Variants in PARD3B observed in about 807,000 individuals in gnomAD.
PARD3B encodes par-3 family cell polarity regulator beta, also known as partitioning defective 3 homolog B.
PARD3B carries 103 observed loss-of-function variants against 130.2 expected under a neutral mutation model. That is an observed-to-expected ratio of 0.79 (90% CI 0.67 to 0.93). The LOEUF is 0.93. Among genes scored for constraint, PARD3B ranks in the 40% least tolerant of loss-of-function variants. The probability of loss-of-function intolerance (pLI) is 0.00; values close to 1 mark genes in which losing one functional copy is unlikely to be tolerated. For missense variants in PARD3B, 1,609 were observed against 1,499.2 expected (o/e 1.07, Z -1.21); for synonymous variants, 583 against 553.2 (o/e 1.05, Z -0.76).
chr2:205,398,354 C>T (rs1176127155), intron 18 of PARD3B, among the ~76,000 whole-genome samples: 5 of 151,854 alleles, frequency 3.3e-5, no homozygotes, highest in Admixed American at 1.3e-4. Context: ...TTCTCTTTTC[C>T]GTACTTCTGT....
At chr2:204,977,899 A>T (rs943543884) in intron 3 of PARD3B, among the ~76,000 whole-genome samples, 6 of 151,406 alleles carry the variant, frequency 4.0e-5, no homozygotes, top group Non-Finnish European at 7.4e-5. Flanking sequence ...TACATATCTG[A>T]TGAGGGCTCC....
rs1167630785 is a variant in PARD3B, at chr2:205,078,195, C to G, written c.505-26231C>G. On this transcript the variant is annotated intron_variant, in intron 4 of 22. Transcript: ENST00000406610. This position sits in a 1 kb window ranked among gnomAD's most constrained non-coding sequence, Gnocchi z 4.0. ...TGTGTGGTTAAATGTTTAACCTGAG[C>G]TAATTAGGAGCCTTGAGAATTTTAG... is the stretch of plus-strand genomic sequence containing the variant. 6.6e-6 allele frequency among the ~76,000 whole-genome samples: 1 copy of G among 152,100 alleles called. No homozygotes were observed. The highest frequency in any genetic ancestry group is 2.4e-5 in the African/African-American group (1 of 41,430).
Position 205,553,547 on chromosome 2 carries a change from A to G in PARD3B, c.3260+144A>G, listed in dbSNP as rs1575342439. The G allele has an allele frequency of 1.0e-5, 7 of 684,120 alleles. No individual in the cohort carries two copies. The East Asian group carries it at 1.4e-4, about 13-fold the overall frequency. 42.4% of individuals were successfully genotyped at this position (684,120 alleles called of 1,614,324 possible). On this transcript the variant is annotated intron_variant, in intron 22 of 22. Transcript: ENST00000406610. Reference sequence around the variant, plus strand: ...TGCCGTCTGCTGTAGCCCTAGTTCCATCTTCACAAATGTGCTAATAATTGA... The same window carrying G: ...TGCCGTCTGCTGTAGCCCTAGTTCCGTCTTCACAAATGTGCTAATAATTGA...
intron 2 of PARD3B, among the ~76,000 whole-genome samples, chr2:204,853,020 A>G (rs555700523): frequency 6.6e-6 from 1 of 152,138 alleles, no homozygotes; most frequent in Admixed American, 6.6e-5. Context: ...AGTTCATTGG[A>G]TTGTTTAATT....
intron 20 of PARD3B, among the ~76,000 whole-genome samples, chr2:205,457,010 G>T (rs1027611173): frequency 2.6e-5 from 4 of 151,434 alleles, no homozygotes; most frequent in Non-Finnish European, 5.9e-5. Flanking sequence ...CATTGAATGT[G>T]TAAGGAAAGT....
intron 11 of PARD3B, among the ~76,000 whole-genome samples, chr2:205,170,987 T>C (rs1230051714): frequency 6.6e-6 from 1 of 152,198 alleles, no homozygotes; most frequent in East Asian, 1.9e-4. Flanking sequence ...TTTGACTCAC[T>C]TTCGTGGCCT....
At chr2:205,549,026 T>C (rs2052501359) in intron 21 of PARD3B, among the ~76,000 whole-genome samples, 1 of 152,164 alleles carries the variant, frequency 6.6e-6, no homozygotes, top group Non-Finnish European at 1.5e-5. Flanking sequence ...AAAGATGTTC[T>C]ACATCACATG....
intron 1 of PARD3B, among the ~76,000 whole-genome samples, chr2:204,684,100 CTT>C (rs1369093435): frequency 2.6e-5 from 4 of 152,108 alleles, no homozygotes; most frequent in Non-Finnish European, 5.9e-5. Context: ...AATTAGGACT[CTT>C]TGGTTTTCTT....
intron 21 of PARD3B, among the ~76,000 whole-genome samples, chr2:205,543,591 G>A (rs2052260611): frequency 6.6e-6 from 1 of 152,206 alleles, no homozygotes; most frequent in Non-Finnish European, 1.5e-5. Flanking sequence ...GAGAAATGTT[G>A]CTTTGGGGTC....
At chr2:204,731,288 C>G (rs2039496054) in intron 2 of PARD3B, among the ~76,000 whole-genome samples, 1 of 152,182 alleles carries the variant, frequency 6.6e-6, no homozygotes, top group Non-Finnish European at 1.5e-5. Context: ...GCTTTATCAT[C>G]ACTTACTCAA....
chr2:204,977,715 G>A (rs1281673262), intron 3 of PARD3B, among the ~76,000 whole-genome samples: 3 of 151,718 alleles, frequency 2.0e-5, no homozygotes, highest in Non-Finnish European at 2.9e-5. Context: ...GGGAGGCTGA[G>A]GCAGGAGAAT....
chr2:204,954,076 A>C (rs576373557), intron 2 of PARD3B, among the ~76,000 whole-genome samples: 5 of 152,244 alleles, frequency 3.3e-5, no homozygotes, highest in African/African-American at 9.6e-5. Flanking sequence ...ACCCACAATC[A>C]TAATTACAAA....
At chr2:204,659,119 T>C (rs891562665) in intron 1 of PARD3B, among the ~76,000 whole-genome samples, 14 of 152,160 alleles carry the variant, frequency 9.2e-5, no homozygotes, top group African/African-American at 3.4e-4. Flanking sequence ...TTTGCATTCT[T>C]AGATGTGTTA....
intron 21 of PARD3B, among the ~76,000 whole-genome samples, chr2:205,540,064 CTG>C (rs1166336600): frequency 3.3e-5 from 5 of 152,188 alleles, no homozygotes; most frequent in Non-Finnish European, 1.5e-5. Context: ...ACCACGGACT[CTG>C]TGTCCTCCAC....
Position 205,227,926 on chromosome 2 carries a change from A to C in PARD3B, c.2141-17852A>C, listed in dbSNP as rs1490506762. ...TAACCCACTATTTTAAACTGATGAC[A>C]ACACTGACTGCATAAAGAAACAAAC... On this transcript the variant is annotated intron_variant, in intron 15 of 22. Transcript: ENST00000406610. Among the ~76,000 whole-genome samples the C allele has an allele frequency of 2.0e-5, 3 of 152,282 alleles. No individual in the cohort carries two copies. In the East Asian group the frequency reaches 5.8e-4, roughly 29 times the overall value.
rs1691359465 is a variant in PARD3B at position 204,967,574 on chromosome 2, G to A, written c.394+2251G>A. ...TCCTCTGAATCAGCAGGAGAAATTT[G>A]GGCAAGGATGAATGACGTAAAAAAA... On this transcript the variant is annotated intron_variant, in intron 3 of 22. Transcript: ENST00000406610. This position sits in a 1 kb window ranked among gnomAD's most constrained non-coding sequence, Gnocchi z 4.4. Among the ~76,000 whole-genome samples the A allele has an allele frequency of 1.3e-5, 2 of 152,126 alleles. No homozygotes were observed. The highest frequency in any genetic ancestry group is 2.9e-5 in the Non-Finnish European group (2 of 68,028).
chr2:205,524,309 A>T lies in PARD3B; in HGVS notation c.3180+24278A>T, dbSNP rs558352447. Among the ~76,000 whole-genome samples, 4 of 152,284 alleles carry T rather than the reference A, an allele frequency of 2.6e-5. No homozygotes were observed. The South Asian group carries it at 8.3e-4, about 32-fold the overall frequency. On this transcript the variant is annotated intron_variant, in intron 21 of 22. Transcript: ENST00000406610. ...GTCTCCTTGATTCTCATCACCTTAC[A>T]TCTGAAGATTTGTAGAAGAGTCCCC...
rs917619611 is a variant in PARD3B at position 204,606,625 on chromosome 2, A to G, written c.120+60506A>G. Among the ~76,000 whole-genome samples the G allele has an allele frequency of 3.9e-5, 6 of 152,302 alleles. No individual in the cohort carries two copies. The highest frequency in any genetic ancestry group is 1.4e-4 in the African/African-American group (6 of 41,562). On this transcript the variant is annotated intron_variant, in intron 1 of 22. Coordinates refer to ENST00000406610, the MANE Select transcript of PARD3B (RefSeq NM_001302769.2). This position sits in a 1 kb window ranked among gnomAD's most constrained non-coding sequence, Gnocchi z 4.0. ...GATTCTATTATGTGCTCAGAATAGG[A>G]GAATCAACCATTTATGAAGAAGCTC...
At chr2:205,033,039 G>A (rs770662559) in intron 3 of PARD3B, among the ~76,000 whole-genome samples, 3 of 152,126 alleles carry the variant, frequency 2.0e-5, no homozygotes, top group Non-Finnish European at 2.9e-5. Context: ...CTTGCAAAGA[G>A]CTCTTGAAGT....
Sources: gnomAD v4.1 joint callset for allele counts (sites outside exome capture counted in the v4.1 genomes callset) on GRCh38, gnomAD v4.1.1 for gene constraint, Gnocchi (gnomAD v3.1) non-coding constraint, MANE v1.5 for transcripts, NCBI Gene and HGNC (gene_info 2026-07-23, HGNC 2026-07-21) for gene names.